The following CPA3 variants were observed in gnomAD, a reference collection of about 807,000 sequenced individuals.
CPA3 encodes mast cell carboxypeptidase A.
CPA3 carries 52 observed loss-of-function variants against 55.8 expected under a neutral mutation model. That is an observed-to-expected ratio of 0.93 (90% CI 0.75 to 1.17). The LOEUF (loss-of-function observed/expected upper bound fraction) is 1.17, where lower values mean the gene tolerates loss of function less well. CPA3 is among the 50% of genes most tolerant of loss of function. CPA3 has a pLI of 0.00. For synonymous variants in CPA3, 179 were observed against 171.2 expected, an observed-to-expected ratio of 1.05 and a Z score of -0.36; for missense variants, 547 against 509.1, an observed-to-expected ratio of 1.07 and a Z score of -0.72.
chr3:148,878,013 A>G (rs1048036871), intron 3 of CPA3, among the ~76,000 whole-genome samples: 2 of 152,248 alleles, frequency 1.3e-5, no homozygotes, highest in Non-Finnish European at 2.9e-5. Flanking sequence ...TTAAAAAAGT[A>G]AAAAGCAACA....
In CPA3 at chr3:148,883,669, T is replaced by A; in HGVS notation, c.835T>A (p.Ser279Thr). ...ADNYRGSAPESEKETKAVTNF... is the reference protein window; with the variant it reads ...ADNYRGSAPETEKETKAVTNF... Reference sequence around the variant, plus strand: ...TAACTATCGGGGCTCTGCACCAGAGTCCGAGAAAGAGACGAAAGCTGTCAC... The same window carrying A: ...TAACTATCGGGGCTCTGCACCAGAGACCGAGAAAGAGACGAAAGCTGTCAC... The change falls in exon 9 of 11, where the codon TCC becomes ACC. Residue 279 changes from serine to threonine, a missense_variant. Coordinates refer to ENST00000296046, the MANE Select transcript of CPA3 (RefSeq NM_001870.4). The A allele has an allele frequency of 6.2e-7, 1 of 1,613,948 alleles. No homozygotes were observed. The highest frequency in any genetic ancestry group is 8.5e-7 in the Non-Finnish European group (1 of 1,179,930).
intron 10 of CPA3, 58 bp downstream of exon 10, chr3:148,886,235 A>G: frequency 1.6e-6 from 2 of 1,271,004 alleles, no homozygotes; most frequent in Non-Finnish European, 2.2e-6. Flanking sequence ...TACAAATATT[A>G]AAGAAAATTA....
chr3:148,892,518 T>G (rs527801913), intron 10 of CPA3, among the ~76,000 whole-genome samples: 1 of 151,902 alleles, frequency 6.6e-6, no homozygotes, highest in African/African-American at 2.4e-5. Flanking sequence ...CTAGGTGTGG[T>G]GGTACGCACC....
chr3:148,888,395 A>G (rs992387855), intron 10 of CPA3, among the ~76,000 whole-genome samples: 2 of 152,242 alleles, frequency 1.3e-5, no homozygotes, highest in African/African-American at 4.8e-5. Flanking sequence ...GAAAAAGTGT[A>G]GTGATACAGA....
At chr3:148,886,902 G>A (rs1005955333) in intron 10 of CPA3, among the ~76,000 whole-genome samples, 2 of 152,118 alleles carry the variant, frequency 1.3e-5, no homozygotes, top group Non-Finnish European at 2.9e-5. Flanking sequence ...CTTCTCACTT[G>A]CTCCTTCTCA....
intron 3 of CPA3, among the ~76,000 whole-genome samples, chr3:148,877,570 T>C (rs1714242924): frequency 1.3e-5 from 2 of 152,106 alleles, no homozygotes; most frequent in Admixed American, 6.6e-5. Flanking sequence ...ACCCTCAACA[T>C]TAGTCTCCTA....
rs868329303 is a variant in CPA3 at position 148,876,200 on chromosome 3, T to C, written c.270-2241T>C. On this transcript the variant is annotated intron_variant, in intron 3 of 10. Coordinates refer to ENST00000296046, the MANE Select transcript of CPA3 (RefSeq NM_001870.4). The stretch of plus-strand genomic sequence containing the variant: ...GTGAGAAAAAAAGTCAAAAAACTGG[T>C]AAAATATATATATATATAAATAGAT... Among the ~76,000 whole-genome samples, 207 of 103,370 alleles carry C rather than the reference T, an allele frequency of 2.0e-3. 2 individuals carry two copies. The highest frequency in any genetic ancestry group is 0.011 in the Middle Eastern group (2 of 182). 67.8% of individuals were successfully genotyped at this position (103,370 alleles called of 152,430 possible).
chr3:148,874,194 T>G (rs1013420974), intron 3 of CPA3, among the ~76,000 whole-genome samples: 3 of 151,796 alleles, frequency 2.0e-5, no homozygotes, highest in Non-Finnish European at 4.4e-5. Flanking sequence ...ACTCACACTG[T>G]TTTTTTTGCT....
At chr3:148,871,166 AGGCCTACT>A (rs1206643814) in intron 3 of CPA3, among the ~76,000 whole-genome samples, 1 of 152,132 alleles carries the variant, frequency 6.6e-6, no homozygotes, top group Non-Finnish European at 1.5e-5. Flanking sequence ...CCACCGCACC[AGGCCTACT>A]GTGTCTCTTG....
intron 2 of CPA3, among the ~76,000 whole-genome samples, chr3:148,866,082 C>G (rs1401295618): frequency 1.3e-5 from 2 of 152,204 alleles, no homozygotes; most frequent in Non-Finnish European, 1.5e-5. Flanking sequence ...TTATGTTGCA[C>G]CAGCCACCTT....
At chr3:148,870,047 C>G (rs1281365245) in intron 3 of CPA3, 2 of 136,928 alleles carry the variant, frequency 1.5e-5, no homozygotes, top group Non-Finnish European at 3.0e-5. Flanking sequence ...GAGCCGAGAT[C>G]GCGCCACTGC....
At chr3:148,876,643 C>G (rs188830746) in intron 3 of CPA3, among the ~76,000 whole-genome samples, 1 of 152,120 alleles carries the variant, frequency 6.6e-6, no homozygotes, top group Non-Finnish European at 1.5e-5. Context: ...TCCCAAAGTG[C>G]TGGGATTACA....
chr3:148,867,647 T>C (rs1237313299), intron 2 of CPA3, among the ~76,000 whole-genome samples: 1 of 152,216 alleles, frequency 6.6e-6, no homozygotes, highest in East Asian at 1.9e-4. Flanking sequence ...ATGTAGCTTT[T>C]TGATCAAAAT....
At chr3:148,877,890 T>C (rs961531947) in intron 3 of CPA3, among the ~76,000 whole-genome samples, 2 of 152,158 alleles carry the variant, frequency 1.3e-5, no homozygotes, top group Non-Finnish European at 2.9e-5. Flanking sequence ...AAGAATCCCT[T>C]GTTGCCTGTG....
intron 7 of CPA3, among the ~76,000 whole-genome samples, 153 bp downstream of exon 7, chr3:148,881,785 T>C (rs1392777540): frequency 6.6e-6 from 1 of 152,222 alleles, no homozygotes; most frequent in East Asian, 1.9e-4. Flanking sequence ...AAGTATGATT[T>C]CTTGGTTGCA....
At chr3:148,880,773 T>C (rs1292386556) in intron 6 of CPA3, among the ~76,000 whole-genome samples, 3 of 152,224 alleles carry the variant, frequency 2.0e-5, no homozygotes, top group Non-Finnish European at 4.4e-5. Context: ...GTGAAATATG[T>C]GTAACAATGG....
In CPA3 at chr3:148,879,846, G is replaced by C; in HGVS notation, c.533G>C (p.Arg178Pro). Residue 178 changes from arginine to proline, a missense_variant, in exon 6 of 11, where the codon CGA becomes CCA. By Grantham distance (103) the Arg-to-Pro change is moderately radical (BLOSUM62 -2). Coordinates refer to ENST00000296046, the MANE Select transcript of CPA3 (RefSeq NM_001870.4). ...TTTACGGATTGTGGCATTCACGCACGAGAATGGGTCTCCCCAGCATTCTGC... is the reference window on the plus strand; with the variant it reads ...TTTACGGATTGTGGCATTCACGCACCAGAATGGGTCTCCCCAGCATTCTGC... ...AIFTDCGIHA[R>P]EWVSPAFCQW... 6.2e-7 allele frequency: 1 copy of C among 1,612,874 alleles called. No individual in the cohort carries two copies. Among genetic ancestry groups the C allele is most frequent in the Non-Finnish European group, 8.5e-7 (1 of 1,179,002 alleles).
chr3:148,891,551 C>T (rs931909175), intron 10 of CPA3, among the ~76,000 whole-genome samples: 10 of 151,820 alleles, frequency 6.6e-5, no homozygotes, highest in African/African-American at 2.4e-4. Flanking sequence ...ATTTTTTTCT[C>T]AAAGTAAAAA....
At chr3:148,877,988 A>C (rs1042561721) in intron 3 of CPA3, among the ~76,000 whole-genome samples, 3 of 152,236 alleles carry the variant, frequency 2.0e-5, no homozygotes, top group African/African-American at 2.4e-5. Flanking sequence ...TAATTTTAAA[A>C]TTGTGGTAAC....
Sources: gnomAD v4.1 joint callset for allele counts (sites outside exome capture counted in the v4.1 genomes callset) on GRCh38, gnomAD v4.1.1 for gene constraint, MANE v1.5 for transcripts, NCBI Gene and HGNC (gene_info 2026-07-23, HGNC 2026-07-21) for gene names.